TAFA2: variants seen among roughly 807,000 people sequenced by gnomAD.
The protein encoded by TAFA2 is TAFA chemokine like family member 2, also known as chemokine-like protein TAFA-2.
In TAFA2, 7 loss-of-function variants were observed where a neutral mutation model predicts 18.8. The ratio of observed to expected loss-of-function variants is 0.37; its 90% CI spans 0.21 to 0.70. The LOEUF (loss-of-function observed/expected upper bound fraction) is 0.70, where lower values mean the gene tolerates loss of function less well. TAFA2 is among the 30% of genes least tolerant of loss of function. The probability of loss-of-function intolerance (pLI) is 0.53; values close to 1 mark genes in which losing one functional copy is unlikely to be tolerated. For missense variants in TAFA2, 122 were observed against 158.1 expected, an observed-to-expected ratio of 0.77 and a Z score of 1.23; for synonymous variants, 60 against 54.2, an observed-to-expected ratio of 1.11 and a Z score of -0.47.
intron 2 of TAFA2, among the ~76,000 whole-genome samples, chr12:61,782,098 C>T (rs1870529257): frequency 1.3e-5 from 2 of 151,420 alleles, no homozygotes; most frequent in Non-Finnish European, 3.0e-5. Context: ...CTATTTGATC[C>T]CGAAGGTATA....
At chr12:62,034,924 T>C (rs533554240) in intron 1 of TAFA2, among the ~76,000 whole-genome samples, 1 of 152,128 alleles carries the variant, frequency 6.6e-6, no homozygotes, top group South Asian at 2.1e-4. Context: ...GTAATTGAGG[T>C]GAAAGGGGTG....
chr12:62,108,235 A>T (rs1592340020), intron 1 of TAFA2, among the ~76,000 whole-genome samples: 1 of 151,268 alleles, frequency 6.6e-6, no homozygotes, highest in Non-Finnish European at 1.5e-5. Flanking sequence ...AGAACATGCG[A>T]TGTTTGGTTT....
chr12:62,120,442 A>T (rs1184378888), intron 1 of TAFA2, among the ~76,000 whole-genome samples: 2 of 152,212 alleles, frequency 1.3e-5, no homozygotes, highest in African/African-American at 4.8e-5. Context: ...TTTAAACAAC[A>T]TCCATTTCCA....
At chr12:61,781,907 T>C (rs998168626) in intron 2 of TAFA2, among the ~76,000 whole-genome samples, 11 of 151,688 alleles carry the variant, frequency 7.3e-5, no homozygotes, top group Non-Finnish European at 1.5e-4. Flanking sequence ...AAGTAAAAAT[T>C]GAAATGTATG....
At chr12:62,069,268 G>A (rs974688205) in intron 1 of TAFA2, among the ~76,000 whole-genome samples, 15 of 152,158 alleles carry the variant, frequency 9.9e-5, no homozygotes, top group Non-Finnish European at 1.6e-4. Context: ...GGGCAGGAAA[G>A]AATCAAAACA....
chr12:62,041,092 A>G (rs1881745059), intron 1 of TAFA2, among the ~76,000 whole-genome samples: 1 of 152,154 alleles, frequency 6.6e-6, no homozygotes, highest in Non-Finnish European at 1.5e-5. Context: ...CAGTATCTAT[A>G]TTGTTCATAT....
chr12:62,153,233 C>G (rs1245737844), intron 1 of TAFA2, among the ~76,000 whole-genome samples: 1 of 152,126 alleles, frequency 6.6e-6, no homozygotes, highest in Non-Finnish European at 1.5e-5. Context: ...CACACTTGAA[C>G]TATCACATCC....
At chr12:61,908,849 C>T (rs1339633365) in intron 1 of TAFA2, among the ~76,000 whole-genome samples, 1 of 152,104 alleles carries the variant, frequency 6.6e-6, no homozygotes, top group Non-Finnish European at 1.5e-5. Flanking sequence ...CTTTCCCATT[C>T]CAATATTTAA....
At chr12:61,941,430 A>C (rs1878007627) in intron 1 of TAFA2, among the ~76,000 whole-genome samples, 1 of 152,186 alleles carries the variant, frequency 6.6e-6, no homozygotes, top group South Asian at 2.1e-4. Context: ...GCCAAAATTA[A>C]GAATTTTGTT....
chr12:61,999,287 G>C (rs951831717), intron 1 of TAFA2, among the ~76,000 whole-genome samples: 3 of 152,144 alleles, frequency 2.0e-5, no homozygotes, highest in African/African-American at 7.2e-5. Context: ...AATACAATTA[G>C]CTGACTTTGT....
intron 1 of TAFA2, among the ~76,000 whole-genome samples, chr12:62,210,474 G>C (rs2062708880): frequency 6.6e-6 from 1 of 152,118 alleles, no homozygotes; most frequent in South Asian, 2.1e-4. Context: ...TGCTTGAAAA[G>C]TTAAGACAGA....
Position 61,947,198 on chromosome 12 carries a change from A to G in TAFA2, c.-1-79772T>C, listed in dbSNP as rs1592506287. On this transcript the variant is annotated intron_variant, in intron 1 of 4. Transcript: ENST00000416284. ...TAGAAACCATCATTCTCAGTAAACT[A>G]TCGCAAGGACAAAAAACCAAACACC... Among the ~76,000 whole-genome samples, 4 of 148,168 alleles carry G rather than the reference A, an allele frequency of 2.7e-5. 1 individual carries two copies. Among genetic ancestry groups the G allele is most frequent in the African/African-American group, 1.0e-4 (4 of 39,688 alleles).
intron 4 of TAFA2, 76 bp from the exon 5 acceptor site, chr12:61,710,493 TAATA>T (rs2120530141): frequency 8.0e-7 from 1 of 1,255,874 alleles, no homozygotes; most frequent in Non-Finnish European, 1.1e-6. Context: ...AATTAAAAAT[TAATA>T]GATAACTCAA....
At chr12:61,921,458 A>G (rs1338754212) in intron 1 of TAFA2, among the ~76,000 whole-genome samples, 1 of 152,176 alleles carries the variant, frequency 6.6e-6, no homozygotes, top group Non-Finnish European at 1.5e-5. Context: ...CGTTTGTGCA[A>G]TGGAAGAATA....
chr12:62,210,870 T>G (rs2062710291), intron 1 of TAFA2, among the ~76,000 whole-genome samples: 1 of 152,186 alleles, frequency 6.6e-6, no homozygotes, highest in Non-Finnish European at 1.5e-5. Flanking sequence ...TTTTCACACT[T>G]TTCTTTAAGG....
Position 62,098,348 on chromosome 12 carries a change from A to G in TAFA2, c.-2+92911T>C, listed in dbSNP as rs183478005. Among the ~76,000 whole-genome samples the G allele has an allele frequency of 8.7e-4, 133 of 152,312 alleles. 2 individuals carry two copies. The East Asian group carries it at 0.022, about 25-fold the overall frequency. Reference sequence around the variant, plus strand: ...ACAGGCACATGACCAAGGCTGGCCAATCAGAATCTTCCCTGACACTGATAA... The same window carrying G: ...ACAGGCACATGACCAAGGCTGGCCAGTCAGAATCTTCCCTGACACTGATAA... On this transcript the variant is annotated intron_variant, in intron 1 of 4. Transcript: ENST00000416284.
intron 1 of TAFA2, among the ~76,000 whole-genome samples, chr12:61,952,903 A>G (rs755118564): frequency 3.3e-5 from 5 of 152,064 alleles, no homozygotes; most frequent in African/African-American, 4.8e-5. Flanking sequence ...AGTTTTTTAG[A>G]TCATTTCTCC....
At chr12:61,860,333 T>TCAGG (rs1401781968) in intron 2 of TAFA2, among the ~76,000 whole-genome samples, 1 of 152,102 alleles carries the variant, frequency 6.6e-6, no homozygotes, top group Non-Finnish European at 1.5e-5. Flanking sequence ...ATACAGTCAG[T>TCAGG]TTATGTTCTA....
intron 1 of TAFA2, among the ~76,000 whole-genome samples, chr12:62,065,481 G>A (rs1882460525): frequency 1.3e-5 from 2 of 151,954 alleles, no homozygotes; most frequent in Admixed American, 1.3e-4. Flanking sequence ...CCAAAACAAT[G>A]TTGAAAAAAT....
Sources: allele counts gnomAD v4.1 joint callset (sites outside exome capture counted in the v4.1 genomes callset), GRCh38; gene constraint gnomAD v4.1.1; transcripts MANE v1.5; gene names NCBI Gene and HGNC (gene_info 2026-07-23, HGNC 2026-07-21).